The following XKR4 variants were observed in gnomAD, a reference collection of about 807,000 sequenced individuals.
XKR4 encodes XK-related protein 4.
Under a neutral mutation model 53.9 loss-of-function variants are expected in XKR4, and 12 were observed. The ratio of observed to expected loss-of-function variants is 0.22; its 90% CI spans 0.14 to 0.36. The LOEUF is 0.36. XKR4 is among the 10% of genes least tolerant of loss of function. The probability of loss-of-function intolerance (pLI) is 1.00; values close to 1 mark genes in which losing one functional copy is unlikely to be tolerated. For synonymous variants in XKR4, 354 were observed against 362.4 expected, an observed-to-expected ratio of 0.98 and a Z score of 0.26; for missense variants, 799 against 859.5, an observed-to-expected ratio of 0.93 and a Z score of 0.88.
chr8:55,111,667 T>C (rs1281959327), intron 1 of XKR4, among the ~76,000 whole-genome samples: 5 of 152,230 alleles, frequency 3.3e-5, no homozygotes, highest in Non-Finnish European at 7.3e-5. Flanking sequence ...TCCGTGTCAC[T>C]GATTCTAAGA....
At chr8:55,191,538 G>A (rs984300941) in intron 1 of XKR4, among the ~76,000 whole-genome samples, 1 of 152,030 alleles carries the variant, frequency 6.6e-6, no homozygotes, top group African/African-American at 2.4e-5. Flanking sequence ...CACTGAAATG[G>A]TCTGATGGAT....
At chr8:55,196,179 T>TC (rs1226812509) in intron 1 of XKR4, among the ~76,000 whole-genome samples, 2 of 148,484 alleles carry the variant, frequency 1.3e-5, no homozygotes, top group East Asian at 3.9e-4. Context: ...TGCTTCCTTT[T>TC]TTTTTTTTTT....
At chr8:55,128,631 A>G (rs10958442) in intron 1 of XKR4, among the ~76,000 whole-genome samples, 85,844 of 152,118 alleles carry the variant, frequency 0.56, 24,824 homozygotes, top group South Asian at 0.72. Flanking sequence ...TCTGTCTTGG[A>G]TGACTGTTTA....
intron 2 of XKR4, among the ~76,000 whole-genome samples, chr8:55,465,742 C>A (rs1335917826): frequency 4.7e-5 from 7 of 150,462 alleles, no homozygotes; most frequent in South Asian, 4.2e-4. Context: ...ACTCATCTGA[C>A]AAAGGGCTAA....
intron 2 of XKR4, among the ~76,000 whole-genome samples, chr8:55,495,453 C>CA (rs1490715864): frequency 2.0e-5 from 3 of 152,222 alleles, no homozygotes; most frequent in African/African-American, 7.2e-5. Flanking sequence ...TGTGCTTCCT[C>CA]ACAGCCTGTG....
chr8:55,191,601 A>G (rs1470018550), intron 1 of XKR4, among the ~76,000 whole-genome samples: 1 of 152,106 alleles, frequency 6.6e-6, no homozygotes, highest in African/African-American at 2.4e-5. Context: ...CATTATGTAA[A>G]GACACACTGT....
rs190065332 is a variant in XKR4 at position 55,521,871 on chromosome 8, C to G, written c.1007-1410C>G. Among the ~76,000 whole-genome samples the G allele has an allele frequency of 7.1e-4, 108 of 152,294 alleles. 2 individuals carry two copies. Among genetic ancestry groups the G allele is most frequent in the Admixed American group, 2.6e-3 (39 of 15,292 alleles). ...AAAAGTACCATTTCCATTATAAGAT[C>G]TTGGCAATCAACATATCTTCTATTA... On this transcript the variant is annotated intron_variant, in intron 2 of 2. Coordinates refer to ENST00000327381, the MANE Select transcript of XKR4 (RefSeq NM_052898.2).
intron 1 of XKR4, among the ~76,000 whole-genome samples, chr8:55,317,953 G>T (rs1017179005): frequency 3.3e-5 from 5 of 152,174 alleles, no homozygotes; most frequent in Non-Finnish European, 7.4e-5. Flanking sequence ...TAAGAAAACA[G>T]ATAGGAAGCC....
intron 1 of XKR4, among the ~76,000 whole-genome samples, chr8:55,313,410 G>A (rs910262973): frequency 6.6e-6 from 1 of 152,228 alleles, no homozygotes; most frequent in Admixed American, 6.5e-5. Flanking sequence ...GATCAAAGTG[G>A]TGCTAGGGCT....
At chr8:55,352,436 C>A (rs1362997726) in intron 1 of XKR4, among the ~76,000 whole-genome samples, 1 of 152,156 alleles carries the variant, frequency 6.6e-6, no homozygotes, top group African/African-American at 2.4e-5. Flanking sequence ...AACTTAAATG[C>A]CTTCATTTGC....
At chr8:55,230,051 C>A (rs4504608) in intron 1 of XKR4, among the ~76,000 whole-genome samples, 50,177 of 151,956 alleles carry the variant, frequency 0.33, 10,033 homozygotes, top group Middle Eastern at 0.45. Context: ...GTGTTGCAAT[C>A]ATTTTCTAAG....
intron 2 of XKR4, among the ~76,000 whole-genome samples, chr8:55,459,710 G>A (rs1805620231): frequency 6.6e-6 from 1 of 151,956 alleles, no homozygotes; most frequent in Admixed American, 6.6e-5. Context: ...AGTAACTAGG[G>A]AAAAGTAAAT....
chr8:55,111,734 G>T (rs992547322), intron 1 of XKR4, among the ~76,000 whole-genome samples: 2 of 152,282 alleles, frequency 1.3e-5, no homozygotes, highest in East Asian at 1.9e-4. Context: ...ATGTGGTGAG[G>T]TATGCATAGC....
intron 2 of XKR4, among the ~76,000 whole-genome samples, chr8:55,475,748 G>A (rs28679464): frequency 0.34 from 51,889 of 151,270 alleles, 10,809 homozygotes; most frequent in African/African-American, 0.6. Flanking sequence ...GATTATAGGC[G>A]CACACCACCA....
At chr8:55,106,639 T>C (rs1466719204) in intron 1 of XKR4, among the ~76,000 whole-genome samples, 12 of 152,204 alleles carry the variant, frequency 7.9e-5, no homozygotes, top group Admixed American at 7.9e-4. Flanking sequence ...CCAAATGTCT[T>C]TTTCCTTCAG....
intron 2 of XKR4, among the ~76,000 whole-genome samples, chr8:55,507,691 T>C (rs930900087): frequency 1.3e-5 from 2 of 152,196 alleles, no homozygotes; most frequent in Non-Finnish European, 2.9e-5. Flanking sequence ...TCATTTTTTA[T>C]GGCTGCATAG....
chr8:55,202,540 G>T (rs756557883), intron 1 of XKR4, among the ~76,000 whole-genome samples: 1 of 152,134 alleles, frequency 6.6e-6, no homozygotes, highest in African/African-American at 2.4e-5. Context: ...TTACTATAAG[G>T]CTCTTTAGGT....
At position 55,541,607 on chromosome 8, in the gene XKR4, G is replaced by A. The variant is rs780113522; in HGVS notation, c.*17380G>A. The A allele has an allele frequency of 6.6e-6, 1 of 152,164 alleles. No individual in the cohort carries two copies. The highest frequency in any genetic ancestry group is 1.5e-5 in the Non-Finnish European group (1 of 68,028). The allele number at this position is 152,164 out of a possible 1,614,324, so 9.4% of individuals were successfully genotyped here. ...ACGAGTGTGCGTAGGGAACGGTGTA[G>A]ACATTTCCCCCAGTATGAGCACAGT... is the stretch of plus-strand genomic sequence containing the variant. On this transcript the variant is annotated 3_prime_UTR_variant, in exon 3 of 3. Transcript: ENST00000327381.
chr8:55,402,863 A>G (rs990950190), intron 2 of XKR4, among the ~76,000 whole-genome samples: 2 of 152,198 alleles, frequency 1.3e-5, no homozygotes, highest in African/African-American at 4.8e-5. Flanking sequence ...AACACAGCAA[A>G]TAGAAAGGGA....
Sources: gnomAD v4.1 joint callset for allele counts (sites outside exome capture counted in the v4.1 genomes callset) on GRCh38, gnomAD v4.1.1 for gene constraint, MANE v1.5 for transcripts, NCBI Gene and HGNC (gene_info 2026-07-23, HGNC 2026-07-21) for gene names.